CEP63: variants seen among roughly 807,000 people sequenced by gnomAD.
CEP63 encodes the protein centrosomal protein 63, also known as centrosomal protein of 63 kDa.
Under a neutral mutation model 89.1 loss-of-function variants are expected in CEP63, and 84 were observed. The ratio of observed to expected loss-of-function variants is 0.94; its 90% CI spans 0.79 to 1.13. CEP63 has a LOEUF of 1.13. Ranked by LOEUF, CEP63 falls within the 50% of genes most tolerant of loss-of-function variation. CEP63 has a pLI of 0.00. For missense variants in CEP63, 838 were observed against 813.3 expected (o/e 1.03, Z -0.37); for synonymous variants, 267 against 272.5 (o/e 0.98, Z 0.20).
the CEP63 span, among the ~76,000 whole-genome samples, chr3:134,725,349 G>C: frequency 6.6e-6 from 1 of 151,966 alleles, no homozygotes; most frequent in Non-Finnish European, 1.5e-5. Context: ...TCAGAGCCCA[G>C]GAAATTTTCT....
the CEP63 span, among the ~76,000 whole-genome samples, chr3:134,721,397 A>G: frequency 6.6e-6 from 1 of 152,210 alleles, no homozygotes; most frequent in Non-Finnish European, 1.5e-5. Context: ...ATTCCTGTGT[A>G]CAGGATGATG....
At chr3:134,665,109 G>C in the CEP63 span, among the ~76,000 whole-genome samples, 4 of 152,178 alleles carry the variant, frequency 2.6e-5, no homozygotes, top group African/African-American at 9.7e-5. Flanking sequence ...GGAGAAGTCC[G>C]GCAGGGGCTT....
At chr3:134,506,353 G>C (rs1051304724) in intron 2 of CEP63, among the ~76,000 whole-genome samples, 10 of 152,124 alleles carry the variant, frequency 6.6e-5, no homozygotes, top group African/African-American at 2.4e-4. Context: ...TCTTACAATT[G>C]TATTATCACT....
At chr3:134,528,553 G>GGTGTGTGTGT (rs71139537) in intron 3 of CEP63, among the ~76,000 whole-genome samples, 9 of 108,806 alleles carry the variant, frequency 8.3e-5, no homozygotes, top group Admixed American at 2.1e-4. Flanking sequence ...CTTAAGGAGG[G>GGTGTGTGTGT]GTGTGTGTGT....
chr3:134,556,516 TA>T (rs1956219578), intron 12 of CEP63, among the ~76,000 whole-genome samples: 1 of 152,154 alleles, frequency 6.6e-6, no homozygotes, highest in Non-Finnish European at 1.5e-5. Flanking sequence ...AAGTCAATAC[TA>T]AGCTAGTAGT....
At chr3:134,701,187 T>G in the CEP63 span, among the ~76,000 whole-genome samples, 2 of 110,750 alleles carry the variant, frequency 1.8e-5, no homozygotes, top group South Asian at 7.1e-4. Context: ...ACATTATATA[T>G]ATATACACAC....
chr3:134,525,572 G>A (rs1019112989), intron 3 of CEP63, among the ~76,000 whole-genome samples: 2 of 152,174 alleles, frequency 1.3e-5, no homozygotes, highest in Admixed American at 1.3e-4. Context: ...TCATGATGAT[G>A]TTAGCTGGTT....
At chr3:134,507,318 AT>A in intron 3 of CEP63, 32 bp downstream of exon 3, 1 of 1,483,132 alleles carries the variant, frequency 6.7e-7, no homozygotes. Flanking sequence ...TCTTTTTGAC[AT>A]TTTTATCTTG....
intron 11 of CEP63, among the ~76,000 whole-genome samples, chr3:134,572,397 C>G (rs1325618195): frequency 6.6e-6 from 1 of 152,136 alleles, no homozygotes; most frequent in Non-Finnish European, 1.5e-5. Flanking sequence ...TTTTTCAACC[C>G]TTGCTCCCCT....
the CEP63 span, among the ~76,000 whole-genome samples, chr3:134,739,631 G>C: frequency 0.052 from 7,857 of 151,378 alleles, 264 homozygotes; most frequent in Middle Eastern, 0.083. Flanking sequence ...CGCAAAGACA[G>C]CAATCTATAG....
At chr3:134,539,976 A>G (rs956287692) in intron 6 of CEP63, among the ~76,000 whole-genome samples, 1 of 152,198 alleles carries the variant, frequency 6.6e-6, no homozygotes, top group African/African-American at 2.4e-5. Context: ...AGTGTGCAGT[A>G]CATTCATGTA....
the CEP63 span, among the ~76,000 whole-genome samples, chr3:134,707,071 A>G: frequency 6.6e-6 from 1 of 152,188 alleles, no homozygotes; most frequent in Non-Finnish European, 1.5e-5. Context: ...GGACTTGAAC[A>G]TATCTTTTTA....
chr3:134,567,137 A>G (rs1345451918), downstream of CEP63, among the ~76,000 whole-genome samples: 1 of 134,206 alleles, frequency 7.5e-6, no homozygotes, highest in African/African-American at 2.8e-5. Context: ...ATGAACCTTG[A>G]AAACAGGAAG....
the CEP63 span, among the ~76,000 whole-genome samples, chr3:134,782,537 G>A: frequency 1.3e-5 from 2 of 151,882 alleles, no homozygotes; most frequent in Non-Finnish European, 2.9e-5. Context: ...ATTTAATTTT[G>A]TTTTGTCCCA....
intron 2 of CEP63, among the ~76,000 whole-genome samples, chr3:134,499,401 C>T (rs1941262384): frequency 6.6e-6 from 1 of 152,018 alleles, no homozygotes; most frequent in Admixed American, 6.6e-5. Context: ...TTTGGGTCTT[C>T]TCTTTTTTCT....
chr3:134,698,110 C>G, the CEP63 span, among the ~76,000 whole-genome samples: 5 of 152,222 alleles, frequency 3.3e-5, no homozygotes, highest in Non-Finnish European at 7.3e-5. Flanking sequence ...CCTGACACCC[C>G]ACGGCACAGC....
At chr3:134,490,046 A>G (rs1442941843) in intron 1 of CEP63, among the ~76,000 whole-genome samples, 1 of 152,076 alleles carries the variant, frequency 6.6e-6, no homozygotes, top group Non-Finnish European at 1.5e-5. Context: ...CTGGTCTTCA[A>G]GGAGCCGTGG....
chr3:134,685,257 G>A, the CEP63 span, among the ~76,000 whole-genome samples: 4 of 152,048 alleles, frequency 2.6e-5, no homozygotes, highest in Admixed American at 2.6e-4. Flanking sequence ...ATGAAGCAAT[G>A]ATGAAAATAA....
chr3:134,486,475 C>T (rs1935429272), intron 1 of CEP63: 6 of 985,636 alleles, frequency 6.1e-6, no homozygotes, highest in Non-Finnish European at 7.2e-6. Flanking sequence ...CGTGGCGCAG[C>T]CCGGCGTGGG....
Sources: gnomAD v4.1 joint callset for allele counts (sites outside exome capture counted in the v4.1 genomes callset) on GRCh38, gnomAD v4.1.1 for gene constraint, MANE v1.5 for transcripts, NCBI Gene and HGNC (gene_info 2026-07-23, HGNC 2026-07-21) for gene names.